The following ADAM22 variants were observed in gnomAD, a reference collection of about 807,000 sequenced individuals.
ADAM22 encodes the protein ADAM metallopeptidase domain 22.
Under a neutral mutation model 144.6 loss-of-function variants are expected in ADAM22, and 65 were observed. That is an observed-to-expected ratio of 0.45 (90% CI 0.37 to 0.55). The LOEUF (loss-of-function observed/expected upper bound fraction) is 0.55. Ranked by LOEUF, ADAM22 falls within the 20% of genes least tolerant of loss-of-function variation. ADAM22 has a pLI of 0.00. For synonymous variants in ADAM22, 391 were observed against 412.6 expected, an observed-to-expected ratio of 0.95 and a Z score of 0.63; for missense variants, 974 against 1,184.9, an observed-to-expected ratio of 0.82 and a Z score of 2.61.
At chr7:88,058,347 G>A (rs1257123853) in intron 3 of ADAM22, among the ~76,000 whole-genome samples, 1 of 152,120 alleles carries the variant, frequency 6.6e-6, no homozygotes. Flanking sequence ...TCATAGTTTT[G>A]TTTTATTTTG....
intron 3 of ADAM22, among the ~76,000 whole-genome samples, chr7:88,020,388 G>C (rs1259096601): frequency 6.6e-6 from 1 of 152,180 alleles, no homozygotes; most frequent in African/African-American, 2.4e-5. Context: ...TGAGAAGGGA[G>C]GGCTGGTGCC....
chr7:88,018,621 C>T (rs1315579558), intron 3 of ADAM22, among the ~76,000 whole-genome samples: 1 of 152,130 alleles, frequency 6.6e-6, no homozygotes. Context: ...CAATAAGGCA[C>T]ATTGTGAAGA....
chr7:88,064,869 G>A (rs1810821951), intron 3 of ADAM22, among the ~76,000 whole-genome samples: 1 of 152,078 alleles, frequency 6.6e-6, no homozygotes. Flanking sequence ...ATGTTGTTAT[G>A]TGGATCAGAT....
chr7:88,183,710 T>G (rs1344091960), intron 29 of ADAM22, among the ~76,000 whole-genome samples: 1 of 151,882 alleles, frequency 6.6e-6, no homozygotes, highest in Non-Finnish European at 1.5e-5. Context: ...TTTTTCAGAC[T>G]TTTCTGATTT....
chr7:87,992,201 T>G (rs1181190518), intron 3 of ADAM22, among the ~76,000 whole-genome samples: 1 of 152,286 alleles, frequency 6.6e-6, no homozygotes, highest in Non-Finnish European at 1.5e-5. Context: ...CTGTGTAAGA[T>G]TTTGCTACAG....
At chr7:88,137,551 T>C (rs1024332252) in intron 14 of ADAM22, among the ~76,000 whole-genome samples, 1 of 152,192 alleles carries the variant, frequency 6.6e-6, no homozygotes, top group Non-Finnish European at 1.5e-5. Context: ...ATATATTCTA[T>C]TTATCTGGAA....
chr7:88,046,302 G>A (rs1804672839), intron 3 of ADAM22, among the ~76,000 whole-genome samples: 1 of 152,056 alleles, frequency 6.6e-6, no homozygotes, highest in Admixed American at 6.6e-5. Flanking sequence ...GTTTCACTTT[G>A]CATTTCCCTG....
chr7:87,955,114 T>C (rs1387291278), intron 2 of ADAM22, among the ~76,000 whole-genome samples: 1 of 152,264 alleles, frequency 6.6e-6, no homozygotes, highest in Admixed American at 6.5e-5. Flanking sequence ...TTTGATCATC[T>C]GAAGCCTTCT....
At position 88,155,714 on chromosome 7, in the gene ADAM22, A is replaced by T. The variant is rs536310506; in HGVS notation, c.1788-173A>T. 1.4e-3 allele frequency among the ~76,000 whole-genome samples: 215 copies of T among 152,270 alleles called. 1 individual carries two copies. Among genetic ancestry groups the T allele is most frequent in the Non-Finnish European group, 2.7e-3 (184 of 68,014 alleles). ...TACATCAGTAAGAGTTTCAGTGAAGACACTTTTTAGAGCAGGTGGCACACT... is the reference window on the plus strand; with the variant it reads ...TACATCAGTAAGAGTTTCAGTGAAGTCACTTTTTAGAGCAGGTGGCACACT... On this transcript the variant is annotated intron_variant, in intron 21 of 31. Coordinates refer to ENST00000413139, the MANE Select transcript of ADAM22 (RefSeq NM_001324418.2).
At chr7:88,051,174 C>T (rs1806227855) in intron 3 of ADAM22, among the ~76,000 whole-genome samples, 1 of 152,098 alleles carries the variant, frequency 6.6e-6, no homozygotes, top group Admixed American at 6.6e-5. Context: ...CTAGAAATAC[C>T]ATTTGACCCA....
At chr7:88,012,664 A>G (rs1795702254) in intron 3 of ADAM22, among the ~76,000 whole-genome samples, 1 of 152,190 alleles carries the variant, frequency 6.6e-6, no homozygotes, top group African/African-American at 2.4e-5. Context: ...CTAGAGCCCT[A>G]GAGCCCTGTT....
intron 3 of ADAM22, among the ~76,000 whole-genome samples, chr7:88,036,408 G>T (rs937135603): frequency 5.9e-5 from 9 of 152,078 alleles, no homozygotes; most frequent in Non-Finnish European, 1.3e-4. Flanking sequence ...GCTGGGGATG[G>T]ACATGAAAGG....
intron 3 of ADAM22, among the ~76,000 whole-genome samples, chr7:88,039,943 A>G (rs1802690042): frequency 6.6e-6 from 1 of 151,794 alleles, no homozygotes; most frequent in South Asian, 2.1e-4. Context: ...CTCTAAATGT[A>G]GACATATCCA....
At chr7:87,946,926 A>C (rs1298548796) in intron 2 of ADAM22, among the ~76,000 whole-genome samples, 1 of 152,202 alleles carries the variant, frequency 6.6e-6, no homozygotes, top group Non-Finnish European at 1.5e-5. Context: ...GCGGGAGGCC[A>C]TTATATTAAG....
At chr7:88,158,385 A>G (rs577789636) in intron 22 of ADAM22, among the ~76,000 whole-genome samples, 2 of 152,222 alleles carry the variant, frequency 1.3e-5, no homozygotes, top group South Asian at 2.1e-4. Context: ...CCTGAAGTCA[A>G]TATTGGACCA....
intron 3 of ADAM22, among the ~76,000 whole-genome samples, chr7:88,039,741 T>C (rs1802636319): frequency 6.6e-6 from 1 of 151,606 alleles, no homozygotes; most frequent in African/African-American, 2.4e-5. Context: ...CACTATCTTG[T>C]TTCTATCTGT....
intron 3 of ADAM22, among the ~76,000 whole-genome samples, chr7:87,982,674 T>TATATATAC: frequency 1.6e-5 from 1 of 62,002 alleles, no homozygotes; most frequent in Non-Finnish European, 3.1e-5. Flanking sequence ...TTATTACATA[T>TATATATAC]ATATATATAT....
At chr7:88,024,756 G>A (rs1433730549) in intron 3 of ADAM22, among the ~76,000 whole-genome samples, 1 of 133,498 alleles carries the variant, frequency 7.5e-6, no homozygotes, top group South Asian at 2.3e-4. Context: ...CTGTGTCCAT[G>A]TGTTCTCATT....
intron 2 of ADAM22, among the ~76,000 whole-genome samples, chr7:87,940,263 T>A (rs1842223029): frequency 6.6e-6 from 1 of 151,914 alleles, no homozygotes; most frequent in Non-Finnish European, 1.5e-5. Flanking sequence ...GTATGCATTG[T>A]ATGCATCAAA....
Sources: allele counts gnomAD v4.1 joint callset (sites outside exome capture counted in the v4.1 genomes callset), GRCh38; gene constraint gnomAD v4.1.1; transcripts MANE v1.5; gene names NCBI Gene and HGNC (gene_info 2026-07-23, HGNC 2026-07-21).